The following KCNK13 variants were observed in gnomAD, a reference collection of about 807,000 sequenced individuals.
KCNK13 encodes potassium two pore domain channel subfamily K member 13.
A neutral mutation model predicts 23.4 loss-of-function variants in KCNK13; 12 were observed. The observed-to-expected ratio is 0.51, with a 90% CI of 0.33 to 0.83. The LOEUF (loss-of-function observed/expected upper bound fraction) is 0.83, where lower values mean the gene tolerates loss of function less well. KCNK13 is among the 40% of genes least tolerant of loss of function. The pLI, the probability that KCNK13 is intolerant of heterozygous loss-of-function variation, is 0.02. For synonymous variants in KCNK13, 231 were observed against 229.5 expected, an observed-to-expected ratio of 1.01 and a Z score of -0.06; for missense variants, 463 against 556.3, an observed-to-expected ratio of 0.83 and a Z score of 1.69.
chr14:90,088,961 C>A (rs369460985), intron 1 of KCNK13, among the ~76,000 whole-genome samples: 29 of 152,260 alleles, frequency 1.9e-4, no homozygotes, highest in Middle Eastern at 3.4e-3. Flanking sequence ...GATTGTAAGG[C>A]CCCCCAGCCA....
At chr14:90,182,378 G>T (rs1890497067) in intron 1 of KCNK13, among the ~76,000 whole-genome samples, 1 of 152,172 alleles carries the variant, frequency 6.6e-6, no homozygotes, top group African/African-American at 2.4e-5. Context: ...CACTTCCAGG[G>T]TGCACTGGGA....
At chr14:90,143,217 T>C (rs1474005012) in intron 1 of KCNK13, among the ~76,000 whole-genome samples, 1 of 96,054 alleles carries the variant, frequency 1.0e-5, no homozygotes, top group Non-Finnish European at 2.2e-5. Context: ...CTTTTCTTTT[T>C]TTTTTTTTGA....
At chr14:90,078,573 GAA>G (rs1491584130) in intron 1 of KCNK13, among the ~76,000 whole-genome samples, 1 of 151,080 alleles carries the variant, frequency 6.6e-6, no homozygotes, top group African/African-American at 2.4e-5. Flanking sequence ...AAGAAGGAAG[GAA>G]GAGAGAGAGA....
chr14:90,159,648 C>CT (rs1425136370), intron 1 of KCNK13, among the ~76,000 whole-genome samples: 1 of 152,198 alleles, frequency 6.6e-6, no homozygotes, highest in African/African-American at 2.4e-5. Context: ...AGGGCAAACT[C>CT]TTAGAACTCT....
intron 1 of KCNK13, among the ~76,000 whole-genome samples, chr14:90,080,844 T>C (rs1889200563): frequency 6.6e-6 from 1 of 152,132 alleles, no homozygotes; most frequent in Admixed American, 6.5e-5. Context: ...TGGAGCAAGG[T>C]TTCTCCACCT....
intron 1 of KCNK13, among the ~76,000 whole-genome samples, chr14:90,177,887 G>A (rs761319414): frequency 2.6e-5 from 4 of 152,140 alleles, no homozygotes; most frequent in Non-Finnish European, 5.9e-5. Context: ...GCAGCCAAAA[G>A]CATTTTAATT....
intron 1 of KCNK13, among the ~76,000 whole-genome samples, chr14:90,142,485 A>T (rs535338582): frequency 2.0e-5 from 3 of 150,676 alleles, no homozygotes; most frequent in Non-Finnish European, 4.4e-5. Context: ...TGCCCAGCTA[A>T]TTTTTTTTAT....
At chr14:90,155,756 CTG>C (rs1890186391) in intron 1 of KCNK13, among the ~76,000 whole-genome samples, 1 of 152,026 alleles carries the variant, frequency 6.6e-6, no homozygotes, top group South Asian at 2.1e-4. Context: ...AAAAGAAAAA[CTG>C]TGGGTGGATC....
At chr14:90,132,556 A>AAAAG (rs941481507) in intron 1 of KCNK13, among the ~76,000 whole-genome samples, 3 of 151,830 alleles carry the variant, frequency 2.0e-5, no homozygotes, top group African/African-American at 7.3e-5. Context: ...AAAAAAAAAA[A>AAAAG]AAAGAAAGAA....
chr14:90,091,162 T>A (rs1395191301), intron 1 of KCNK13, among the ~76,000 whole-genome samples: 1 of 152,002 alleles, frequency 6.6e-6, no homozygotes, highest in Non-Finnish European at 1.5e-5. Flanking sequence ...CAAGAAAGAG[T>A]TAGAGGGCCC....
chr14:90,109,120 T>G (rs886254481), intron 1 of KCNK13, among the ~76,000 whole-genome samples: 1 of 149,872 alleles, frequency 6.7e-6, no homozygotes, highest in Non-Finnish European at 1.5e-5. Context: ...GAGCTTGCAG[T>G]GAGCCGAGGT....
intron 1 of KCNK13, among the ~76,000 whole-genome samples, chr14:90,157,414 G>T (rs572345122): frequency 6.6e-6 from 1 of 152,176 alleles, no homozygotes; most frequent in Admixed American, 6.5e-5. Flanking sequence ...TAATCTTTTA[G>T]AGATGGAGTC....
chr14:90,138,541 G>A (rs1303224136), intron 1 of KCNK13, among the ~76,000 whole-genome samples: 5 of 152,194 alleles, frequency 3.3e-5, no homozygotes, highest in African/African-American at 1.2e-4. Context: ...GTTGTCTTTG[G>A]CTTTCATATC....
At chr14:90,084,137 A>G (rs752901090) in intron 1 of KCNK13, among the ~76,000 whole-genome samples, 3 of 151,972 alleles carry the variant, frequency 2.0e-5, no homozygotes, top group Non-Finnish European at 4.4e-5. Flanking sequence ...TTCCCCCAAG[A>G]TTGTTTTGGC....
chr14:90,145,870 G>A (rs73332322), intron 1 of KCNK13, among the ~76,000 whole-genome samples: 1,690 of 152,078 alleles, frequency 0.011, 20 homozygotes, highest in African/African-American at 0.039. Flanking sequence ...GTGTGGTGGT[G>A]CATACTAGTA....
At chr14:90,082,576 G>C (rs1241855852) in intron 1 of KCNK13, among the ~76,000 whole-genome samples, 1 of 152,128 alleles carries the variant, frequency 6.6e-6, no homozygotes, top group Admixed American at 6.5e-5. Flanking sequence ...GTTTTCAAGT[G>C]AGCCAAGTTG....
At chr14:90,101,790 C>CAAAAAAAAAAAAAAAAA (rs546423368) in intron 1 of KCNK13, among the ~76,000 whole-genome samples, 738 of 55,504 alleles carry the variant, frequency 0.013, 74 homozygotes, top group Non-Finnish European at 0.017. Flanking sequence ...ACTCCGTCTC[C>CAAAAAAAAAAAAAAAAA]AAAAAAAAAA....
intron 1 of KCNK13, among the ~76,000 whole-genome samples, chr14:90,162,289 T>C (rs573991846): frequency 1.3e-5 from 2 of 152,226 alleles, no homozygotes; most frequent in East Asian, 1.9e-4. Context: ...CAGAAACAGA[T>C]GTAAGAATTT....
intron 1 of KCNK13, among the ~76,000 whole-genome samples, chr14:90,078,413 G>A (rs201839179): frequency 1.1e-5 from 1 of 88,086 alleles, no homozygotes; most frequent in African/African-American, 4.4e-5. Flanking sequence ...GAGCAAGACA[G>A]TCTCAAAAAA....
Sources: allele counts gnomAD v4.1 joint callset (sites outside exome capture counted in the v4.1 genomes callset), GRCh38; gene constraint gnomAD v4.1.1; transcripts MANE v1.5; gene names NCBI Gene and HGNC (gene_info 2026-07-23, HGNC 2026-07-21).